RPS6KA2: variants seen among roughly 807,000 people sequenced by gnomAD.
RPS6KA2 encodes ribosomal protein S6 kinase alpha-2.
In RPS6KA2, 42 loss-of-function variants were observed where a neutral mutation model predicts 91.8. The ratio of observed to expected loss-of-function variants is 0.46; its 90% CI spans 0.36 to 0.59. RPS6KA2 has a LOEUF of 0.59. Ranked by LOEUF, RPS6KA2 falls within the 20% of genes least tolerant of loss-of-function variation. The pLI, the probability that RPS6KA2 is intolerant of heterozygous loss-of-function variation, is 0.00. For synonymous variants in RPS6KA2, 414 were observed against 393.6 expected, an observed-to-expected ratio of 1.05 and a Z score of -0.61; for missense variants, 798 against 978.5, an observed-to-expected ratio of 0.82 and a Z score of 2.46.
At chr6:166,831,715 T>C (rs552642686) in intron 2 of RPS6KA2, among the ~76,000 whole-genome samples, 1 of 151,448 alleles carries the variant, frequency 6.6e-6, no homozygotes, top group South Asian at 2.1e-4. Context: ...GAAATATTTT[T>C]AAACAAATTG....
intron 14 of RPS6KA2, among the ~76,000 whole-genome samples, chr6:166,440,879 G>C (rs1779499005): frequency 6.6e-6 from 1 of 152,138 alleles, no homozygotes; most frequent in African/African-American, 2.4e-5. Context: ...AGTATTCTTG[G>C]GGAAAACGGG....
chr6:166,520,040 G>A (rs1782798594), intron 3 of RPS6KA2, among the ~76,000 whole-genome samples: 1 of 152,144 alleles, frequency 6.6e-6, no homozygotes, highest in Non-Finnish European at 1.5e-5. Flanking sequence ...AGCCCACTGA[G>A]GGCCAGAATA....
intron 2 of RPS6KA2, among the ~76,000 whole-genome samples, chr6:166,743,095 T>G (rs1327158581): frequency 3.9e-5 from 6 of 152,220 alleles, no homozygotes; most frequent in African/African-American, 1.4e-4. Flanking sequence ...CTAGCACTTA[T>G]GTACTTGATT....
intron 2 of RPS6KA2, among the ~76,000 whole-genome samples, chr6:166,675,864 G>T (rs919748875): frequency 1.3e-5 from 2 of 152,078 alleles, no homozygotes; most frequent in Non-Finnish European, 2.9e-5. Flanking sequence ...AGTCTCTCTA[G>T]GTTTTTAAAG....
chr6:166,862,474 A>T, exon 1 of RPS6KA2: 1 of 921,366 alleles, frequency 1.1e-6, no homozygotes, highest in Non-Finnish European at 1.5e-6. Flanking sequence ...GGGCGAGGAA[A>T]GGAGGGGACG....
chr6:166,467,502 G>A (rs547354423), intron 11 of RPS6KA2, among the ~76,000 whole-genome samples: 71 of 152,330 alleles, frequency 4.7e-4, no homozygotes, highest in African/African-American at 1.6e-3. Context: ...TGGAAGAGCC[G>A]CAGGACAGGT....
rs564082633 is a variant in RPS6KA2, at chr6:166,795,654, C to T, written c.123+62546G>A. Among the ~76,000 whole-genome samples, 11 of 152,316 alleles carry T rather than the reference C, an allele frequency of 7.2e-5. 1 individual carries two copies. In the South Asian group the frequency reaches 1.2e-3, roughly 17 times the overall value. ...GCACCAAGCTAAGTAATGAGGACTG[C>T]GGGGTGAGAAAGACGGACTCTCCCT... is the stretch of plus-strand genomic sequence containing the variant. On this transcript the variant is annotated intron_variant, in intron 2 of 21. Transcript: ENST00000503859.
At chr6:166,519,984 TG>T (rs1345032349) in intron 3 of RPS6KA2, among the ~76,000 whole-genome samples, 5 of 152,108 alleles carry the variant, frequency 3.3e-5, no homozygotes, top group Admixed American at 3.3e-4. Context: ...TTTGAATTGG[TG>T]GACTGAGTAA....
chr6:166,830,142 GAAA>G (rs1780148718), intron 2 of RPS6KA2, among the ~76,000 whole-genome samples: 1 of 21,406 alleles, frequency 4.7e-5, no homozygotes, highest in African/African-American at 1.6e-4. Context: ...AAAAAAAAAA[GAAA>G]GAAAGAAAGA....
chr6:166,553,444 C>A (rs1180490689), intron 1 of RPS6KA2, among the ~76,000 whole-genome samples: 2 of 150,458 alleles, frequency 1.3e-5, no homozygotes, highest in South Asian at 2.2e-4. Flanking sequence ...CATGTTTAGT[C>A]CCACTTTTTT....
chr6:166,720,471 T>G (rs1453498469), intron 2 of RPS6KA2, among the ~76,000 whole-genome samples: 2 of 152,140 alleles, frequency 1.3e-5, no homozygotes, highest in African/African-American at 4.8e-5. Flanking sequence ...GGAACCCAGA[T>G]GAAAATCCAA....
chr6:166,514,558 G>T (rs886960934), intron 3 of RPS6KA2, among the ~76,000 whole-genome samples: 27 of 152,234 alleles, frequency 1.8e-4, no homozygotes, highest in African/African-American at 6.5e-4. Flanking sequence ...GCACAGAGCT[G>T]CAGTGCCACA....
rs1262942462 is a variant in RPS6KA2 at position 166,563,820 on chromosome 6, T to C, written c.100-25036A>G. Among the ~76,000 whole-genome samples, 1 of 152,222 alleles carries C rather than the reference T, an allele frequency of 6.6e-6. No homozygotes were observed. Among genetic ancestry groups the C allele is most frequent in the Non-Finnish European group, 1.5e-5 (1 of 68,042 alleles). On this transcript the variant is annotated intron_variant, in intron 1 of 20. Transcript: ENST00000265678. The surrounding 1 kb of genome is among the most constrained non-coding windows in gnomAD (Gnocchi z 4.1). ...CATATCTATATCAGTGCTTATAATA[T>C]TGTTTGCATGAAAAAAAAGTTTCTC...
At chr6:166,532,277 C>A (rs1783307305) in intron 2 of RPS6KA2, among the ~76,000 whole-genome samples, 6 of 152,186 alleles carry the variant, frequency 3.9e-5, no homozygotes. Context: ...CTGCCATGGG[C>A]AGAGGGACAT....
chr6:166,837,293 G>A (rs750667772), intron 2 of RPS6KA2, among the ~76,000 whole-genome samples: 21 of 152,150 alleles, frequency 1.4e-4, no homozygotes, highest in Non-Finnish European at 2.5e-4. Flanking sequence ...TGGAAGGCTC[G>A]GCCGCTCCCT....
intron 2 of RPS6KA2, among the ~76,000 whole-genome samples, chr6:166,779,480 G>A (rs965872167): frequency 6.6e-6 from 1 of 152,190 alleles, no homozygotes; most frequent in Admixed American, 6.5e-5. Context: ...CATTGGAGGA[G>A]GGGCCTGGGA....
rs1779218949 is a variant in RPS6KA2 at position 166,434,085 on chromosome 6, G to A, written c.1333-1595C>T. 2.0e-5 allele frequency among the ~76,000 whole-genome samples: 3 copies of A among 152,124 alleles called. No individual in the cohort carries two copies. ...ATTTCTTTACTTTAGAGAACCAAAC[G>A]CTTGGGTAGCATTTGACTCACTGCT... is the stretch of plus-strand genomic sequence containing the variant. On this transcript the variant is annotated intron_variant, in intron 14 of 20. Coordinates refer to ENST00000265678, the MANE Select transcript of RPS6KA2 (RefSeq NM_021135.6). This position sits in a 1 kb window ranked among gnomAD's most constrained non-coding sequence, Gnocchi z 4.4.
chr6:166,743,524 G>A (rs534477680), intron 2 of RPS6KA2, among the ~76,000 whole-genome samples: 2 of 152,206 alleles, frequency 1.3e-5, no homozygotes, highest in Non-Finnish European at 2.9e-5. Flanking sequence ...TCAGCAGAAA[G>A]TGCTGGTCCT....
intron 2 of RPS6KA2, among the ~76,000 whole-genome samples, chr6:166,829,618 ATTATT>A (rs1780132389): frequency 6.8e-5 from 9 of 131,728 alleles, no homozygotes; most frequent in African/African-American, 2.2e-4. Context: ...AAAAAAAAAA[ATTATT>A]ATATGGTCCA....
Sources: gnomAD v4.1 joint callset for allele counts (sites outside exome capture counted in the v4.1 genomes callset) on GRCh38, gnomAD v4.1.1 for gene constraint, Gnocchi (gnomAD v3.1) non-coding constraint, MANE v1.5 for transcripts, NCBI Gene and HGNC (gene_info 2026-07-23, HGNC 2026-07-21) for gene names.